The following CDKN2B-AS1 variants were observed in gnomAD, a reference collection of about 807,000 sequenced individuals.
CDKN2B-AS1 encodes CDKN2B antisense RNA 1 (non-protein coding).
intron 4 of CDKN2B-AS1, among the ~76,000 whole-genome samples, chr9:22,108,255 AG>A (rs751242256): frequency 6.6e-6 from 1 of 152,162 alleles, no homozygotes. Flanking sequence ...TTGATTGAAC[AG>A]CTTTTGTGTA....
intron 4 of CDKN2B-AS1, among the ~76,000 whole-genome samples, chr9:22,100,261 T>C (rs1825438955): frequency 2.0e-5 from 3 of 152,194 alleles, no homozygotes; most frequent in Non-Finnish European, 4.4e-5. Context: ...ACAATGGTTA[T>C]AGCACATTTT....
chr9:22,018,400 G>A (rs1023089598), intron 1 of CDKN2B-AS1, among the ~76,000 whole-genome samples: 1 of 151,976 alleles, frequency 6.6e-6, no homozygotes, highest in African/African-American at 2.4e-5. Context: ...GCTCACGCCT[G>A]TAATCCCAGC....
At chr9:22,049,182 T>C (rs1177181600) in exon 3 of CDKN2B-AS1, 1 of 152,114 alleles carries the variant, frequency 6.6e-6, no homozygotes. Context: ...ACCGGGGAGA[T>C]CTATTTGGAA....
chr9:22,043,434 G>A (rs1822982477), intron 1 of CDKN2B-AS1, among the ~76,000 whole-genome samples: 3 of 151,610 alleles, frequency 2.0e-5, no homozygotes, highest in Admixed American at 2.0e-4. Flanking sequence ...AGACACACAT[G>A]CGCTGTTTTG....
chr9:22,063,704 T>A lies in CDKN2B-AS1; in HGVS notation n.438+7317T>A, dbSNP rs1197756599. On this transcript the variant is annotated intron_variant and non_coding_transcript_variant, in intron 4 of 4. Coordinates refer to ENST00000650946, the Ensembl canonical transcript of CDKN2B-AS1. ...AGATGACAACTACTGTTTCTTCAAC[T>A]CTTTCTTCAACTTCAACTGTCTGTT... is the stretch of plus-strand genomic sequence containing the variant. 7.2e-5 allele frequency among the ~76,000 whole-genome samples: 11 copies of A among 152,304 alleles called. No homozygotes were observed. The East Asian group carries it at 2.1e-3, about 29-fold the overall frequency.
rs1820624256 is a variant in CDKN2B-AS1 at position 21,995,556 on chromosome 9, T to G, written n.29+395T>G. On this transcript the variant is annotated intron_variant and non_coding_transcript_variant, in intron 1 of 4. Coordinates refer to ENST00000650946, the Ensembl canonical transcript of CDKN2B-AS1. The surrounding 1 kb of genome is among the most constrained non-coding windows in gnomAD (Gnocchi z 5.7). ...TCCATGTCCCCTCCTCCCCTTTTCT[T>G]CCACATCACCGATCCTTTCTGGACT... 1 of 152,702 alleles carries G rather than the reference T, an allele frequency of 6.5e-6. No homozygotes were observed. The highest frequency in any genetic ancestry group is 2.4e-5 in the African/African-American group (1 of 41,452). The allele number at this position is 152,702 out of a possible 1,614,324, so 9.5% of individuals were successfully genotyped here.
rs774510475 is a variant in CDKN2B-AS1 at position 22,029,448 on chromosome 9, C to A, written n.30-17303C>A. 7 of 779,448 alleles carry A rather than the reference C, an allele frequency of 9.0e-6. No individual in the cohort carries two copies. In the African/African-American group the frequency reaches 1.0e-4, roughly 11 times the overall value. 48.3% of individuals were successfully genotyped at this position (779,448 alleles called of 1,614,324 possible). ...TGTTTTGCAGGACTATTTGCCACGACATTTCAAAGGATTCCAAGAGAGAAT... is the reference window on the plus strand; with the variant it reads ...TGTTTTGCAGGACTATTTGCCACGAAATTTCAAAGGATTCCAAGAGAGAAT... On this transcript the variant is annotated intron_variant and non_coding_transcript_variant, in intron 1 of 4. Transcript: ENST00000650946.
At chr9:22,024,761 G>A (rs1822162459) in intron 1 of CDKN2B-AS1, among the ~76,000 whole-genome samples, 2 of 152,226 alleles carry the variant, frequency 1.3e-5, no homozygotes, top group Non-Finnish European at 2.9e-5. Context: ...GTGGGGAGTT[G>A]CCATGGGCTC....
At chr9:22,119,594 T>C (rs1826046832) in intron 4 of CDKN2B-AS1, 1 of 152,240 alleles carries the variant, frequency 6.6e-6, no homozygotes, top group Non-Finnish European at 1.5e-5. Flanking sequence ...TTGTTCTCTA[T>C]TATACTGTAG....
chr9:22,033,233 C>T (rs1444868045), intron 1 of CDKN2B-AS1, among the ~76,000 whole-genome samples: 1 of 152,072 alleles, frequency 6.6e-6, no homozygotes, highest in Admixed American at 6.5e-5. Flanking sequence ...GGTTGGGGAC[C>T]ACCGCTGCAC....
intron 4 of CDKN2B-AS1, among the ~76,000 whole-genome samples, chr9:22,067,236 A>G (rs942170912): frequency 6.6e-6 from 1 of 152,196 alleles, no homozygotes; most frequent in South Asian, 2.1e-4. Flanking sequence ...AAACCACTGC[A>G]CAATCTCTAG....
chr9:22,065,954 A>G lies in CDKN2B-AS1; in HGVS notation n.438+9567A>G, dbSNP rs112771931. On this transcript the variant is annotated intron_variant and non_coding_transcript_variant, in intron 4 of 4. Transcript: ENST00000650946. ...TGTGACCTTTTGGCTTCAGGTAGAAACTCTGTCTCATGAGCACTCCCTGGA... is the reference window on the plus strand; with the variant it reads ...TGTGACCTTTTGGCTTCAGGTAGAAGCTCTGTCTCATGAGCACTCCCTGGA... Among the ~76,000 whole-genome samples the G allele has an allele frequency of 7.2e-5, 11 of 152,022 alleles. 3 individuals are homozygous for G. The highest frequency in any genetic ancestry group is 2.7e-4 in the African/African-American group (11 of 41,456).
At chr9:22,054,064 C>A (rs985522076) in intron 3 of CDKN2B-AS1, among the ~76,000 whole-genome samples, 5 of 152,086 alleles carry the variant, frequency 3.3e-5, no homozygotes, top group African/African-American at 7.2e-5. Context: ...ATAATAATAA[C>A]CTTAGCTAGC....
At chr9:22,069,029 G>A (rs1824179982) in intron 4 of CDKN2B-AS1, among the ~76,000 whole-genome samples, 1 of 152,104 alleles carries the variant, frequency 6.6e-6, no homozygotes, top group Non-Finnish European at 1.5e-5. Flanking sequence ...CCAAGATAAG[G>A]GCAATGGTTA....
At chr9:22,087,557 A>G (rs1824907415) in intron 4 of CDKN2B-AS1, among the ~76,000 whole-genome samples, 1 of 152,212 alleles carries the variant, frequency 6.6e-6, no homozygotes, top group African/African-American at 2.4e-5. Context: ...AGAAATGCCT[A>G]GTGGAAATTT....
intron 1 of CDKN2B-AS1, among the ~76,000 whole-genome samples, chr9:22,025,480 C>G (rs1822193227): frequency 6.6e-6 from 1 of 152,146 alleles, no homozygotes; most frequent in African/African-American, 2.4e-5. Flanking sequence ...GGCTTGATAT[C>G]TCTGGTGGGG....
intron 4 of CDKN2B-AS1, among the ~76,000 whole-genome samples, chr9:22,086,685 C>T (rs964789755): frequency 2.0e-5 from 3 of 152,148 alleles, no homozygotes; most frequent in Non-Finnish European, 4.4e-5. Flanking sequence ...TCTGAGGCAG[C>T]TGGGATAGGG....
At chr9:22,101,382 A>C (rs1825478264) in intron 4 of CDKN2B-AS1, among the ~76,000 whole-genome samples, 1 of 151,804 alleles carries the variant, frequency 6.6e-6, no homozygotes, top group African/African-American at 2.4e-5. Flanking sequence ...TCTGAAACTG[A>C]AAGATAGGTA....
chr9:22,005,540 C>T lies in CDKN2B-AS1; in HGVS notation n.29+10379C>T. On this transcript the variant is annotated intron_variant and non_coding_transcript_variant, in intron 1 of 4. Coordinates refer to ENST00000650946, the Ensembl canonical transcript of CDKN2B-AS1. The surrounding 1 kb of genome is among the most constrained non-coding windows in gnomAD (Gnocchi z 4.9). ...GGCCTAAGTTGTGGGTTCACCATAA[C>T]TCCTCAGCAGACATTGGAGTGAACG... is the stretch of plus-strand genomic sequence containing the variant. 2.9e-6 allele frequency: 1 copy of T among 344,216 alleles called. No individual in the cohort carries two copies. The highest frequency in any genetic ancestry group is 4.4e-5 in the South Asian group (1 of 22,942). The allele number at this position is 344,216 out of a possible 1,614,324, so 21.3% of individuals were successfully genotyped here.
Sources: gnomAD v4.1 joint callset for allele counts (sites outside exome capture counted in the v4.1 genomes callset) on GRCh38, gnomAD v4.1.1 for gene constraint, Gnocchi (gnomAD v3.1) non-coding constraint, MANE v1.5 for transcripts, NCBI Gene and HGNC (gene_info 2026-07-23, HGNC 2026-07-21) for gene names.